Variants in KCNH8 observed in about 807,000 individuals in gnomAD.
The protein encoded by KCNH8 is voltage-gated delayed rectifier potassium channel KCNH8.
KCNH8 carries 70 observed loss-of-function variants against 103.6 expected under a neutral mutation model. The ratio of observed to expected loss-of-function variants is 0.68; its 90% confidence interval spans 0.56 to 0.82. KCNH8 has a LOEUF of 0.82. Ranked by LOEUF, KCNH8 falls within the 40% of genes least tolerant of loss-of-function variation. The probability of loss-of-function intolerance (pLI) is 0.00; values close to 1 mark genes in which losing one functional copy is unlikely to be tolerated. For missense variants in KCNH8, 1,217 were observed against 1,329.9 expected (o/e 0.92, Z 1.32); for synonymous variants, 498 against 489.4 (o/e 1.02, Z -0.23).
chr3:19,309,553 A>G (rs150989042), intron 3 of KCNH8, among the ~76,000 whole-genome samples: 173 of 152,088 alleles, frequency 1.1e-3, no homozygotes, highest in African/African-American at 3.3e-3. Context: ...AACCACTGTC[A>G]ATTGGAGAGT....
At chr3:19,296,998 C>G (rs2065004766) in intron 3 of KCNH8, among the ~76,000 whole-genome samples, 1 of 151,982 alleles carries the variant, frequency 6.6e-6, no homozygotes, top group African/African-American at 2.4e-5. Context: ...TTAATTCCAT[C>G]TTAGTGCAAA....
chr3:19,484,687 G>GT (rs150736319), intron 11 of KCNH8, among the ~76,000 whole-genome samples: 4,270 of 152,198 alleles, frequency 0.028, 229 homozygotes, highest in African/African-American at 0.097. Flanking sequence ...CCTTTCCACG[G>GT]TGGCTGTAAA....
chr3:19,266,763 T>A (rs965290536), intron 2 of KCNH8, among the ~76,000 whole-genome samples: 1 of 152,168 alleles, frequency 6.6e-6, no homozygotes, highest in Non-Finnish European at 1.5e-5. Context: ...CGTCTCCCTA[T>A]ATTCTCACAT....
intron 1 of KCNH8, among the ~76,000 whole-genome samples, chr3:19,214,247 T>C (rs935005306): frequency 6.6e-6 from 1 of 152,260 alleles, no homozygotes; most frequent in Non-Finnish European, 1.5e-5. Flanking sequence ...GTTACACTTT[T>C]ATCAGAGTTA....
intron 3 of KCNH8, among the ~76,000 whole-genome samples, chr3:19,308,658 C>G (rs2065162165): frequency 1.6e-4 from 1 of 6,346 alleles, no homozygotes; most frequent in East Asian, 2.3e-3. Context: ...GGGTCTCTCT[C>G]TCTCTCTCTC....
At chr3:19,422,812 G>A (rs980374952) in intron 7 of KCNH8, among the ~76,000 whole-genome samples, 7 of 152,052 alleles carry the variant, frequency 4.6e-5, no homozygotes, top group African/African-American at 1.7e-4. Context: ...CAGATAACCA[G>A]AAATTAAAGT....
intron 11 of KCNH8, among the ~76,000 whole-genome samples, chr3:19,464,603 G>T (rs567543589): frequency 6.6e-6 from 1 of 152,194 alleles, no homozygotes; most frequent in East Asian, 1.9e-4. Context: ...TGAAGAATGG[G>T]AGAAGATATT....
chr3:19,203,339 T>C (rs891600696), intron 1 of KCNH8, among the ~76,000 whole-genome samples: 8 of 152,092 alleles, frequency 5.3e-5, no homozygotes, highest in Non-Finnish European at 1.2e-4. Context: ...ATTGATGCTT[T>C]TTTGTTATAG....
chr3:19,451,270 C>G lies in KCNH8; in HGVS notation c.1691C>G (p.Ser564Cys). The change falls in exon 10 of 16, where the codon TCT becomes TGT. Residue 564 changes from serine to cysteine, a missense_variant. Transcript: ENST00000328405. ...AGCCGGGGCTGCCTCAGGTCTCTGT[C>G]TCTACACATCAAAACCTCTTTCTGT... ...CASRGCLRSL[S>C]LHIKTSFCAP... is the part of the protein sequence containing the mutation. 1 of 1,613,990 alleles carries G rather than the reference C, an allele frequency of 6.2e-7. No individual in the cohort carries two copies. The highest frequency in any genetic ancestry group is 8.5e-7 in the Non-Finnish European group (1 of 1,179,904).
At chr3:19,460,926 T>C (rs1234616110) in intron 11 of KCNH8, among the ~76,000 whole-genome samples, 1 of 152,162 alleles carries the variant, frequency 6.6e-6, no homozygotes, top group Non-Finnish European at 1.5e-5. Context: ...AAGGACGTGT[T>C]TGCTTCCCCT....
At chr3:19,504,648 G>T (rs2068656054) in intron 11 of KCNH8, among the ~76,000 whole-genome samples, 1 of 152,130 alleles carries the variant, frequency 6.6e-6, no homozygotes, top group Admixed American at 6.5e-5. Context: ...ACACCAGTTA[G>T]AATGTCTATT....
At chr3:19,443,331 G>A (rs1173592149) in intron 8 of KCNH8, among the ~76,000 whole-genome samples, 3 of 150,492 alleles carry the variant, frequency 2.0e-5, no homozygotes, top group African/African-American at 7.3e-5. Context: ...AGTCCTCTGG[G>A]AACCCACCAG....
chr3:19,483,012 T>C (rs950997966), intron 11 of KCNH8, among the ~76,000 whole-genome samples: 2 of 152,086 alleles, frequency 1.3e-5, no homozygotes, highest in Non-Finnish European at 2.9e-5. Context: ...GCCTATGATA[T>C]TGTATGATTT....
intron 5 of KCNH8, among the ~76,000 whole-genome samples, chr3:19,372,830 G>T (rs1559497119): frequency 6.6e-6 from 1 of 152,060 alleles, no homozygotes; most frequent in Non-Finnish European, 1.5e-5. Flanking sequence ...AAGGGTTGTT[G>T]AATTTTGTCA....
At chr3:19,351,672 G>A (rs1183605171) in intron 5 of KCNH8, among the ~76,000 whole-genome samples, 2 of 152,146 alleles carry the variant, frequency 1.3e-5, no homozygotes, top group African/African-American at 4.8e-5. Flanking sequence ...ATCCTTTACA[G>A]ACAAGCAAAT....
intron 11 of KCNH8, among the ~76,000 whole-genome samples, chr3:19,499,885 C>T (rs371980615): frequency 3.9e-5 from 6 of 152,028 alleles, no homozygotes; most frequent in South Asian, 2.1e-4. Context: ...CATCAACTAA[C>T]GAGCAAAATA....
At chr3:19,313,350 T>C (rs2065230768) in intron 3 of KCNH8, among the ~76,000 whole-genome samples, 1 of 151,966 alleles carries the variant, frequency 6.6e-6, no homozygotes, top group Non-Finnish European at 1.5e-5. Flanking sequence ...CTCCCACTAG[T>C]TAGCACTGTG....
chr3:19,395,947 G>A (rs909379386), intron 7 of KCNH8, among the ~76,000 whole-genome samples: 2 of 151,862 alleles, frequency 1.3e-5, no homozygotes, highest in Non-Finnish European at 2.9e-5. Context: ...TAAATGAATC[G>A]GAAACACTAT....
chr3:19,329,711 A>G (rs968517306), intron 3 of KCNH8, among the ~76,000 whole-genome samples: 4 of 152,160 alleles, frequency 2.6e-5, no homozygotes, highest in Admixed American at 2.0e-4. Context: ...CCCATGGTTG[A>G]TGTTAGGGAT....
Sources: allele counts gnomAD v4.1 joint callset (sites outside exome capture counted in the v4.1 genomes callset), GRCh38; gene constraint gnomAD v4.1.1; transcripts MANE v1.5; gene names NCBI Gene and HGNC (gene_info 2026-07-23, HGNC 2026-07-21).